Variants in TAS2R13 observed in about 807,000 individuals in gnomAD.
The protein encoded by TAS2R13 is taste receptor type 2 member 13.
For synonymous variants in TAS2R13, 129 were observed against 125.5 expected (o/e 1.03, Z -0.19); for missense variants, 384 against 347.5 (o/e 1.11, Z -0.84).
In TAS2R13 at chr12:10,908,414, C is replaced by T. The variant is rs879309534; in HGVS notation, c.885G>A (p.Val295=). 1.2e-5 allele frequency: 19 copies of T among 1,612,884 alleles called. No individual in the cohort carries two copies. Among genetic ancestry groups the T allele is most frequent in the Non-Finnish European group, 1.5e-5 (18 of 1,179,698 alleles). The stretch of plus-strand genomic sequence containing the variant: ...ATCGTTTAGCCCATACCTTAGCTGC[C>T]ACCAAAAGAAAGGCCTGTCTTAACT... The part of the protein sequence containing the change: ...NAKLRQAFLL[V]AAKVWAKR Residue 295 remains valine (V), a synonymous_variant, in exon 1 of 1, where the codon GTG becomes GTA. Coordinates refer to ENST00000390677, the MANE Select transcript of TAS2R13 (RefSeq NM_023920.2).
chr12:10,908,714 G>A lies in TAS2R13; in HGVS notation c.585C>T (p.Phe195=). ...MFSLTPFTVA[F]ISFLLLIFSL... Reference sequence around the variant, plus strand: ...AGAAAATTAACAGGAGAAAAGAGATGAAGGCCACAGTAAATGGTGTTAGAC... The same window carrying A: ...AGAAAATTAACAGGAGAAAAGAGATAAAGGCCACAGTAAATGGTGTTAGAC... The change falls in exon 1 of 1, where the codon TTC becomes TTT. Residue 195 remains phenylalanine (F), a synonymous_variant. Transcript: ENST00000390677. The A allele has an allele frequency of 6.2e-7, 1 of 1,613,842 alleles. No individual in the cohort carries two copies. The highest frequency in any genetic ancestry group is 1.1e-5 in the South Asian group (1 of 91,038).
At position 10,908,274 on chromosome 12, in the gene TAS2R13, T is replaced by C; in HGVS notation, c.*113A>G. On this transcript the variant is annotated 3_prime_UTR_variant, in exon 1 of 1. Coordinates refer to ENST00000390677, the MANE Select transcript of TAS2R13 (RefSeq NM_023920.2). ...AAAACATTTACAGTGACCTTCACAA[T>C]AAAAGAAACCAGGGGAAGCATAAAA... The C allele has an allele frequency of 1.0e-6, 1 of 995,430 alleles. No homozygotes were observed. Among genetic ancestry groups the C allele is most frequent in the Admixed American group, 2.7e-5 (1 of 36,954 alleles). The allele number at this position is 995,430 out of a possible 1,614,324, so 61.7% of individuals were successfully genotyped here.
rs764844013 is a variant in TAS2R13 at position 10,908,847 on chromosome 12, T to C, written c.452A>G (p.His151Arg). The C allele has an allele frequency of 8.1e-6, 13 of 1,613,468 alleles. No individual in the cohort carries two copies. The highest frequency in any genetic ancestry group is 4.0e-5 in the African/African-American group (3 of 74,936). Residue 151 changes from histidine (H) to arginine (R), a missense_variant, in exon 1 of 1, where the codon CAT becomes CGT. By Grantham distance (29) the His-to-Arg change is conservative (BLOSUM62 0). Transcript: ENST00000390677. ...ATATCGGTCCAGCCAGTCTTTTATA[T>C]GCATGTTTATTTGTATCAGATTTAA... ...LFLNLIQINM[H>R]IKDWLDRYER...
chr12:10,908,116 AGTATAT>A lies in TAS2R13; in HGVS notation c.*265_*270del. 2.5e-6 allele frequency: 1 copy of A among 397,588 alleles called. No homozygotes were observed. 24.6% of individuals were successfully genotyped at this position (397,588 alleles called of 1,614,324 possible). On this transcript the variant is annotated 3_prime_UTR_variant, in exon 1 of 1. Transcript: ENST00000390677. ...TACAATTAACATCTAAGTATGCTGTAGTATATGTTTTTAATTTACAATAGAATCTGC... is the reference window on the plus strand; with the variant it reads ...TACAATTAACATCTAAGTATGCTGTAGTTTTTAATTTACAATAGAATCTGC...
Position 10,909,106 on chromosome 12 carries a change from T to C in TAS2R13, c.193A>G (p.Ser65Gly), listed in dbSNP as rs747240395. The stretch of plus-strand genomic sequence containing the variant: ...AGATAATGCAGAGCTAAAAACCAAC[T>C]TACTAATATTTCCCAGATCAGCCCA... ...RIGLIWEILV[S>G]WFLALHYLAI... The change falls in exon 1 of 1, where the codon AGT (serine) becomes GGT (glycine). Residue 65 changes from serine to glycine, a missense_variant. By Grantham distance (56) the Ser-to-Gly change is moderately conservative (BLOSUM62 0). Transcript: ENST00000390677. 6.2e-7 allele frequency: 1 copy of C among 1,613,666 alleles called. No individual in the cohort carries two copies. The highest frequency in any genetic ancestry group is 1.1e-5 in the South Asian group (1 of 91,072).
chr12:10,909,094 C>A lies in TAS2R13; in HGVS notation c.205G>T (p.Ala69Ser), dbSNP rs1949854706. 1 of 1,613,592 alleles carries A rather than the reference C, an allele frequency of 6.2e-7. No individual in the cohort carries two copies. The highest frequency in any genetic ancestry group is 1.3e-5 in the African/African-American group (1 of 75,024). ...IWEILVSWFL[A>S]LHYLAIFVSG... is the part of the protein sequence containing the mutation. ...ACAAATATGGCTAGATAATGCAGAG[C>A]TAAAAACCAACTTACTAATATTTCC... The change falls in exon 1 of 1, where the codon GCT (alanine) becomes TCT (serine). Residue 69 changes from alanine (A) to serine (S), a missense_variant. Transcript: ENST00000390677.
chr12:10,908,131 T>A lies in TAS2R13; in HGVS notation c.*256A>T. The A allele has an allele frequency of 2.4e-6, 1 of 422,994 alleles. No individual in the cohort carries two copies. Among genetic ancestry groups the A allele is most frequent in the Non-Finnish European group, 4.1e-6 (1 of 241,890 alleles). 26.2% of individuals were successfully genotyped at this position (422,994 alleles called of 1,614,324 possible). A position where few individuals can be genotyped will look rare whatever the true frequency, so the allele number is the denominator to read the frequency against. ...AGTATGCTGTAGTATATGTTTTTAA[T>A]TTACAATAGAATCTGCCAATAATTT... On this transcript the variant is annotated 3_prime_UTR_variant, in exon 1 of 1. Transcript: ENST00000390677.
rs970977617 is a variant in TAS2R13 at position 10,908,567 on chromosome 12, G to A, written c.732C>T (p.Phe244=). The A allele has an allele frequency of 3.7e-6, 6 of 1,613,818 alleles. No homozygotes were observed. The South Asian group carries it at 6.6e-5, about 18-fold the overall frequency. The change falls in exon 1 of 1, where the codon TTC becomes TTT. Residue 244 remains phenylalanine, a synonymous_variant. Transcript: ENST00000390677. ...TCCATGATATGAGAACACATAGAAAGAAACTAGCATAGAATAAAAGGAATG... is the reference window on the plus strand; with the variant it reads ...TCCATGATATGAGAACACATAGAAAAAAACTAGCATAGAATAAAAGGAATG... ...VISFLLFYAS[F]FLCVLISWIS... is the part of the protein sequence containing the mutation.
Position 10,908,100 on chromosome 12 carries a change from C to A in TAS2R13, c.*287G>T, listed in dbSNP as rs1949832568. 6.1e-6 allele frequency: 2 copies of A among 329,100 alleles called. No homozygotes were observed. Among genetic ancestry groups the A allele is most frequent in the Admixed American group, 4.5e-5 (1 of 22,020 alleles). The allele number at this position is 329,100 out of a possible 1,614,324, so 20.4% of individuals were successfully genotyped here. A position where few individuals can be genotyped will look rare whatever the true frequency, so the allele number is the denominator to read the frequency against. On this transcript the variant is annotated 3_prime_UTR_variant, in exon 1 of 1. Transcript: ENST00000390677. ...CAAAAGATTGTAGATTTACAATTAA[C>A]ATCTAAGTATGCTGTAGTATATGTT...
rs1949855570 is a variant in TAS2R13, at chr12:10,909,130, C to A, written c.169G>T (p.Gly57Trp). 6.2e-7 allele frequency: 1 copy of A among 1,613,722 alleles called. No homozygotes were observed. Among genetic ancestry groups the A allele is most frequent in the Admixed American group, 1.7e-5 (1 of 59,966 alleles). ...CTTACTAATATTTCCCAGATCAGCCCAATTCTGGAGATTGCCAAGATAATG... is the reference window on the plus strand; with the variant it reads ...CTTACTAATATTTCCCAGATCAGCCAAATTCTGGAGATTGCCAAGATAATG... ...LLIILAISRI[G>W]LIWEILVSWF... The change falls in exon 1 of 1, where the codon GGG becomes TGG. Residue 57 changes from glycine to tryptophan, a missense_variant. Physicochemically the swap from Gly to Trp is radical, Grantham distance 184 (BLOSUM62 -2). Transcript: ENST00000390677.
rs972525830 is a variant in TAS2R13, at chr12:10,908,652, T to C, written c.647A>G (p.Tyr216Cys). 3 of 1,614,018 alleles carry C rather than the reference T, an allele frequency of 1.9e-6. No homozygotes were observed. Among genetic ancestry groups the C allele is most frequent in the Non-Finnish European group, 1.7e-6 (2 of 1,179,962 alleles). ...QKHLQKMQLN[Y>C]KGHRDPRTKV... Reference sequence around the variant, plus strand: ...GGTCCTGGGGTCTCTGTGTCCTTTGTAATTGAGTTGCATTTTCTGGAGATG... The same window carrying C: ...GGTCCTGGGGTCTCTGTGTCCTTTGCAATTGAGTTGCATTTTCTGGAGATG... The change falls in exon 1 of 1, where the codon TAC (tyrosine) becomes TGC (cysteine). Residue 216 changes from tyrosine to cysteine, a missense_variant. Coordinates refer to ENST00000390677, the MANE Select transcript of TAS2R13 (RefSeq NM_023920.2).
Position 10,909,344 on chromosome 12 carries a change from C to A in TAS2R13, c.-46G>T. The A allele has an allele frequency of 7.3e-7, 1 of 1,371,148 alleles. No individual in the cohort carries two copies. The highest frequency in any genetic ancestry group is 1.0e-6 in the Non-Finnish European group (1 of 976,444). The allele number at this position is 1,371,148 out of a possible 1,614,324, so 84.9% of individuals were successfully genotyped here. ...ATGTCTAATGTCACTGCTGGTTATTCACTGATCTAAAATGCTATTCACATC... is the reference window on the plus strand; with the variant it reads ...ATGTCTAATGTCACTGCTGGTTATTAACTGATCTAAAATGCTATTCACATC... On this transcript the variant is annotated 5_prime_UTR_variant, in exon 1 of 1. Coordinates refer to ENST00000390677, the MANE Select transcript of TAS2R13 (RefSeq NM_023920.2).
Position 10,909,552 on chromosome 12 carries a change from C to A in TAS2R13, c.-254G>T, listed in dbSNP as rs899697146. The A allele has an allele frequency of 2.4e-6, 1 of 420,188 alleles. No individual in the cohort carries two copies. The highest frequency in any genetic ancestry group is 3.5e-5 in the East Asian group (1 of 28,506). The allele number at this position is 420,188 out of a possible 1,614,324, so 26.0% of individuals were successfully genotyped here. Reference sequence around the variant, plus strand: ...CCTAGCTAAGATATTTATGTCTTCACCATGGGCAGAAATATTTCATAGATG... The same window carrying A: ...CCTAGCTAAGATATTTATGTCTTCAACATGGGCAGAAATATTTCATAGATG... On this transcript the variant is annotated 5_prime_UTR_variant, in exon 1 of 1. Coordinates refer to ENST00000390677, the MANE Select transcript of TAS2R13 (RefSeq NM_023920.2).
chr12:10,909,241 C>T lies in TAS2R13; in HGVS notation c.58G>A (p.Gly20Arg), dbSNP rs1949858759. 3.7e-6 allele frequency: 6 copies of T among 1,613,630 alleles called. No homozygotes were observed. Among genetic ancestry groups the T allele is most frequent in the Non-Finnish European group, 5.1e-6 (6 of 1,179,800 alleles). The change falls in exon 1 of 1, where the codon GGG becomes AGG. Residue 20 changes from glycine (G) to arginine (R), a missense_variant. By Grantham distance (125) the Gly-to-Arg change is moderately radical (BLOSUM62 -2). Transcript: ENST00000390677. ...TLVIIAEFII[G>R]NLSNGFIVLI... ...ACTATAAATCCATTGCTCAAATTCC[C>T]AATTATGAATTCTGCAATTATTACA...
Position 10,909,316 on chromosome 12 carries a change from T to G in TAS2R13, c.-18A>C. 1.9e-6 allele frequency: 3 copies of G among 1,566,680 alleles called. No individual in the cohort carries two copies. Among genetic ancestry groups the G allele is most frequent in the Non-Finnish European group, 2.6e-6 (3 of 1,140,738 alleles). On this transcript the variant is annotated 5_prime_UTR_variant, in exon 1 of 1. Transcript: ENST00000390677. ...CTTTCCATGTCAGAACAGAGAAAGT[T>G]CAATGTCTAATGTCACTGCTGGTTA...
At position 10,908,876 on chromosome 12, in the gene TAS2R13, TAAG is replaced by T. The variant is rs1354355049; in HGVS notation, c.420_422del (p.Phe140del). ...TGTTTATTTGTATCAGATTTAAAAATAAGAAGACCAAGGTTCCTAGCAGTATCA... is the reference window on the plus strand; with the variant it reads ...TGTTTATTTGTATCAGATTTAAAAATAAGACCAAGGTTCCTAGCAGTATCA... On this transcript the variant is annotated inframe_deletion, in exon 1 of 1. Transcript: ENST00000390677. The T allele has an allele frequency of 7.4e-6, 12 of 1,612,954 alleles. No individual in the cohort carries two copies. The highest frequency in any genetic ancestry group is 2.2e-5 in the South Asian group (2 of 90,990).
Position 10,908,364 on chromosome 12 carries a change from T to C in TAS2R13, c.*23A>G, listed in dbSNP as rs1949836303. On this transcript the variant is annotated 3_prime_UTR_variant, in exon 1 of 1. Transcript: ENST00000390677. ...AATATTCAATAATCTGTGGTCTGAA[T>C]GGCTTATGAAATTGTGAGTTTCTCA... The C allele has an allele frequency of 1.3e-6, 2 of 1,593,226 alleles. No homozygotes were observed. The highest frequency in any genetic ancestry group is 1.7e-6 in the Non-Finnish European group (2 of 1,171,454).
rs1315256801 is a variant in TAS2R13 at position 10,909,373 on chromosome 12, G to C, written c.-75C>G. On this transcript the variant is annotated 5_prime_UTR_variant, in exon 1 of 1. Coordinates refer to ENST00000390677, the MANE Select transcript of TAS2R13 (RefSeq NM_023920.2). ...GATCTAAAATGCTATTCACATCCTT[G>C]AGTGTCCAGTGGAGTTCTTCTTCCT... 7 of 1,041,104 alleles carry C rather than the reference G, an allele frequency of 6.7e-6. No homozygotes were observed. The highest frequency in any genetic ancestry group is 8.6e-6 in the Non-Finnish European group (6 of 700,686). The allele number at this position is 1,041,104 out of a possible 1,614,324, so 64.5% of individuals were successfully genotyped here. A position where few individuals can be genotyped will look rare whatever the true frequency, so the allele number is the denominator to read the frequency against.
Position 10,909,188 on chromosome 12 carries a change from A to G in TAS2R13, c.111T>C (p.Ser37=). The change falls in exon 1 of 1, where the codon AGT becomes AGC. Residue 37 remains serine (S), a synonymous_variant. Coordinates refer to ENST00000390677, the MANE Select transcript of TAS2R13 (RefSeq NM_023920.2). ...TATCGACTGAGGACAGCTCTCTTTT[A>G]CTGACCCAGTCAATGCAGTTGATCA... The part of the protein sequence containing the change: ...IVLINCIDWV[S]KRELSSVDKL... The G allele has an allele frequency of 1.2e-6, 2 of 1,613,930 alleles. No homozygotes were observed. Among genetic ancestry groups the G allele is most frequent in the Non-Finnish European group, 1.7e-6 (2 of 1,179,946 alleles).
Sources: allele counts gnomAD v4.1 joint callset, GRCh38; gene constraint gnomAD v4.1.1; transcripts MANE v1.5; gene names NCBI Gene and HGNC (gene_info 2026-07-23, HGNC 2026-07-21).